The following IQSEC1 variants were observed in gnomAD, a reference collection of about 807,000 sequenced individuals.
IQSEC1 encodes the protein IQ motif and Sec7 domain ArfGEF 1.
In IQSEC1, 31 loss-of-function variants were observed where a neutral mutation model predicts 91.0. The ratio of observed to expected loss-of-function variants is 0.34; its 90% CI spans 0.26 to 0.46. The LOEUF (loss-of-function observed/expected upper bound fraction) is 0.46. IQSEC1 is among the 20% of genes least tolerant of loss of function. IQSEC1 has a pLI of 1.00. For synonymous variants in IQSEC1, 699 were observed against 662.6 expected, an observed-to-expected ratio of 1.05 and a Z score of -0.84; for missense variants, 1,388 against 1,575.6, an observed-to-expected ratio of 0.88 and a Z score of 2.02.
At chr3:13,083,164 CAATT>C (rs1397727212) in intron 2 of IQSEC1, among the ~76,000 whole-genome samples, 1 of 152,222 alleles carries the variant, frequency 6.6e-6, no homozygotes, top group East Asian at 1.9e-4. Flanking sequence ...TGCAGGTGCT[CAATT>C]AATGCCCGTG....
chr3:12,932,229 C>T (rs969229516), intron 3 of IQSEC1, among the ~76,000 whole-genome samples: 2 of 152,290 alleles, frequency 1.3e-5, no homozygotes, highest in African/African-American at 4.8e-5. Context: ...GGCACCTGCC[C>T]CAGCTCCATG....
intron 12 of IQSEC1, among the ~76,000 whole-genome samples, chr3:12,906,987 A>G (rs1340190227): frequency 6.6e-6 from 1 of 152,206 alleles, no homozygotes; most frequent in African/African-American, 2.4e-5. Flanking sequence ...CCCAGGGGAT[A>G]CCTGGCAATT....
At chr3:13,046,943 G>A (rs573384178) in intron 1 of IQSEC1, among the ~76,000 whole-genome samples, 22 of 152,330 alleles carry the variant, frequency 1.4e-4, no homozygotes, top group Non-Finnish European at 2.8e-4. Flanking sequence ...TCCTCTAAGC[G>A]CAGTCTCCAG....
intron 1 of IQSEC1, among the ~76,000 whole-genome samples, chr3:13,167,470 G>A (rs1221865641): frequency 6.6e-6 from 1 of 152,170 alleles, no homozygotes; most frequent in Non-Finnish European, 1.5e-5. Context: ...AGCTGGGAGT[G>A]GCTGAAGGCT....
chr3:13,073,601 G>A (rs568437273), upstream of IQSEC1, among the ~76,000 whole-genome samples: 1 of 152,230 alleles, frequency 6.6e-6, no homozygotes, highest in African/African-American at 2.4e-5. Context: ...GCGGGGCGCG[G>A]GGCGCCGGCC....
At chr3:13,017,506 G>T (rs1703191199) in intron 1 of IQSEC1, among the ~76,000 whole-genome samples, 1 of 152,196 alleles carries the variant, frequency 6.6e-6, no homozygotes. Context: ...TGCTTGCCAA[G>T]AAGAGCCTCA....
intron 1 of IQSEC1, chr3:13,015,847 G>T: frequency 3.0e-6 from 1 of 329,230 alleles, no homozygotes; most frequent in Non-Finnish European, 4.3e-6. Flanking sequence ...TCACTGGGCA[G>T]GCCCCAGTCA....
rs72408840 is a variant in IQSEC1, at chr3:12,900,451, G to GTATATATA, written c.*524_*531dup. Reference sequence around the variant, plus strand: ...TTCACACACAAGTACTACCTATACAGTATATATATATATATATTTATATAT... The same window carrying GTATATATA: ...TTCACACACAAGTACTACCTATACAGTATATATATATATATATATATATATTTATATAT... On this transcript the variant is annotated 3_prime_UTR_variant, in exon 14 of 14. Coordinates refer to ENST00000613206, the MANE Select transcript of IQSEC1 (RefSeq NM_001134382.3). The GTATATATA allele has an allele frequency of 1.9e-5, 13 of 701,450 alleles. No individual in the cohort carries two copies. The highest frequency in any genetic ancestry group is 2.7e-4 in the East Asian group (2 of 7,490). 43.5% of individuals were successfully genotyped at this position (701,450 alleles called of 1,614,324 possible).
chr3:13,253,817 C>A (rs12486110), intron 1 of IQSEC1, among the ~76,000 whole-genome samples: 5,215 of 152,206 alleles, frequency 0.034, 118 homozygotes, highest in South Asian at 0.093. Context: ...AACCCAGCAC[C>A]CATGCTTTTC....
rs1693865325 is a variant in IQSEC1 at position 12,898,453 on chromosome 3, C to G, written c.*2530G>C. ...AGTTCCTTACGCGAGGCCCTGCTGC[C>G]CAGCACAGCTCCAGGACACACCGAG... is the stretch of plus-strand genomic sequence containing the variant. On this transcript the variant is annotated 3_prime_UTR_variant, in exon 14 of 14. Transcript: ENST00000613206. 6.6e-6 allele frequency: 1 copy of G among 152,216 alleles called. No individual in the cohort carries two copies. The highest frequency in any genetic ancestry group is 1.5e-5 in the Non-Finnish European group (1 of 68,032). The allele number at this position is 152,216 out of a possible 1,614,324, so 9.4% of individuals were successfully genotyped here.
intron 1 of IQSEC1, among the ~76,000 whole-genome samples, chr3:13,276,357 G>C (rs1695681292): frequency 6.6e-6 from 1 of 152,030 alleles, no homozygotes; most frequent in African/African-American, 2.4e-5. Flanking sequence ...CAAAGTGCTG[G>C]GATTATAGGT....
chr3:12,913,114 C>T (rs937452100), intron 9 of IQSEC1, among the ~76,000 whole-genome samples: 1 of 152,228 alleles, frequency 6.6e-6, no homozygotes. Flanking sequence ...CCTTCCTGGA[C>T]AGAGCCTGTC....
intron 1 of IQSEC1, among the ~76,000 whole-genome samples, chr3:13,072,356 C>G (rs1419270418): frequency 6.6e-6 from 1 of 152,206 alleles, no homozygotes; most frequent in Admixed American, 6.5e-5. Flanking sequence ...CCTGGCTAAC[C>G]GAAGCGCAGG....
intron 1 of IQSEC1, among the ~76,000 whole-genome samples, chr3:13,279,467 C>T (rs1695749727): frequency 6.6e-6 from 1 of 152,210 alleles, no homozygotes; most frequent in Admixed American, 6.5e-5. Context: ...TGAAAGAGCA[C>T]TCTCTGAGAA....
In IQSEC1 at chr3:13,008,919, G is replaced by A. The variant is rs1288412298; in HGVS notation, c.23+64073C>T. ...TCATGCATGAGGGGGTGCTTATTAA[G>A]CCATTTTCCAGATAAGGCAATGGAG... On this transcript the variant is annotated intron_variant, in intron 1 of 13. Coordinates refer to ENST00000613206, the MANE Select transcript of IQSEC1 (RefSeq NM_001134382.3). This position sits in a 1 kb window ranked among gnomAD's most constrained non-coding sequence, Gnocchi z 4.1. Among the ~76,000 whole-genome samples the A allele has an allele frequency of 6.6e-6, 1 of 152,192 alleles. No individual in the cohort carries two copies. The highest frequency in any genetic ancestry group is 1.5e-5 in the Non-Finnish European group (1 of 68,034).
intron 1 of IQSEC1, among the ~76,000 whole-genome samples, chr3:13,039,632 G>T (rs1046344222): frequency 2.0e-5 from 3 of 152,170 alleles, no homozygotes; most frequent in African/African-American, 4.8e-5. Flanking sequence ...CCACACAAGG[G>T]CCATGAGAGG....
intron 2 of IQSEC1, among the ~76,000 whole-genome samples, chr3:13,156,028 G>T (rs1349363913): frequency 1.3e-5 from 2 of 149,208 alleles, no homozygotes; most frequent in African/African-American, 2.5e-5. Flanking sequence ...AGACCAGTCT[G>T]CCCAACATGT....
At chr3:13,167,634 C>T (rs1211463771) in intron 1 of IQSEC1, among the ~76,000 whole-genome samples, 3 of 152,148 alleles carry the variant, frequency 2.0e-5, no homozygotes, top group Admixed American at 6.5e-5. Context: ...CAGTGCTCCC[C>T]GGACAAGGAG....
At chr3:13,037,081 A>G (rs1027082430) in intron 1 of IQSEC1, among the ~76,000 whole-genome samples, 1 of 152,028 alleles carries the variant, frequency 6.6e-6, no homozygotes, top group Non-Finnish European at 1.5e-5. Flanking sequence ...TTGTGCCCCC[A>G]CACCATTTAC....
Sources: gnomAD v4.1 joint callset for allele counts (sites outside exome capture counted in the v4.1 genomes callset) on GRCh38, gnomAD v4.1.1 for gene constraint, Gnocchi (gnomAD v3.1) non-coding constraint, MANE v1.5 for transcripts, NCBI Gene and HGNC (gene_info 2026-07-23, HGNC 2026-07-21) for gene names.